PTPRN2: variants seen among roughly 807,000 people sequenced by gnomAD.
PTPRN2 encodes the protein protein tyrosine phosphatase receptor type N2.
A neutral mutation model predicts 118.8 loss-of-function variants in PTPRN2; 74 were observed. The ratio of observed to expected loss-of-function variants is 0.62; its 90% confidence interval spans 0.52 to 0.76. The LOEUF is 0.76. Among genes scored for constraint, PTPRN2 ranks in the 30% least tolerant of loss-of-function variants. PTPRN2 has a pLI of 0.00. For missense variants in PTPRN2, 1,481 were observed against 1,394.4 expected (o/e 1.06, Z -0.99); for synonymous variants, 641 against 608.0 (o/e 1.05, Z -0.80).
chr7:157,625,212 C>T (rs184571657), intron 14 of PTPRN2, among the ~76,000 whole-genome samples: 65 of 152,270 alleles, frequency 4.3e-4, no homozygotes, highest in Non-Finnish European at 7.2e-4. Context: ...CCATATGATC[C>T]GGCAATCCCA....
intron 11 of PTPRN2, among the ~76,000 whole-genome samples, chr7:157,931,291 A>C (rs1799344617): frequency 6.6e-6 from 1 of 152,228 alleles, no homozygotes. Flanking sequence ...CTTGCTAATA[A>C]GAATTAATTG....
chr7:158,069,585 G>A (rs1306295757), intron 11 of PTPRN2, among the ~76,000 whole-genome samples: 1 of 151,338 alleles, frequency 6.6e-6, no homozygotes, highest in African/African-American at 2.4e-5. Flanking sequence ...CAAAGTGCTG[G>A]GATGACAGGC....
chr7:157,864,705 C>T (rs1186648203), intron 12 of PTPRN2: 1 of 152,298 alleles, frequency 6.6e-6, no homozygotes, highest in African/African-American at 2.4e-5. Flanking sequence ...GCCCCATCCT[C>T]TCTGCAGGAG....
rs114461032 is a variant in PTPRN2, at chr7:157,875,314, C to T, written c.1788+23359G>A. On this transcript the variant is annotated intron_variant, in intron 12 of 22. Coordinates refer to ENST00000389418, the MANE Select transcript of PTPRN2 (RefSeq NM_002847.5). ...AAAGCTGGGGAGTTTCCAGGCGTTCCGTGAGAGCCGAGGGAGCGCGTGAGG... is the reference window on the plus strand; with the variant it reads ...AAAGCTGGGGAGTTTCCAGGCGTTCTGTGAGAGCCGAGGGAGCGCGTGAGG... Among the ~76,000 whole-genome samples, 733 of 152,280 alleles carry T rather than the reference C, an allele frequency of 4.8e-3. 4 individuals carry two copies. Among genetic ancestry groups the T allele is most frequent in the African/African-American group, 0.016 (669 of 41,554 alleles).
intron 2 of PTPRN2, among the ~76,000 whole-genome samples, chr7:158,459,327 A>C (rs12698256): frequency 0.59 from 56,443 of 95,756 alleles, 13,687 homozygotes; most frequent in Middle Eastern, 0.61. Context: ...AATCCAGAGC[A>C]CCCGCCTGGG....
rs534321724 is a variant in PTPRN2 at position 158,025,041 on chromosome 7, T to A, written c.1723+56257A>T. Among the ~76,000 whole-genome samples, 122 of 152,294 alleles carry A rather than the reference T, an allele frequency of 8.0e-4. 2 individuals carry two copies. Among genetic ancestry groups the A allele is most frequent in the African/African-American group, 2.9e-3 (120 of 41,562 alleles). On this transcript the variant is annotated intron_variant, in intron 11 of 22. Coordinates refer to ENST00000389418, the MANE Select transcript of PTPRN2 (RefSeq NM_002847.5). ...CTTCTCAGATGGGTAAGCGGGCAGC[T>A]GGGCTTTGCAGTGACAGGTGCCCCG...
At chr7:158,310,342 T>A (rs1388419409) in intron 3 of PTPRN2, among the ~76,000 whole-genome samples, 1 of 152,180 alleles carries the variant, frequency 6.6e-6, no homozygotes, top group Non-Finnish European at 1.5e-5. Flanking sequence ...TCGGCCATCA[T>A]GAATGGAATG....
chr7:158,482,628 G>C (rs1820726460), intron 2 of PTPRN2, among the ~76,000 whole-genome samples: 1 of 152,140 alleles, frequency 6.6e-6, no homozygotes, highest in South Asian at 2.1e-4. Flanking sequence ...ATATGCACTG[G>C]AAAACTAGAA....
intron 11 of PTPRN2, among the ~76,000 whole-genome samples, chr7:158,000,492 C>T (rs917961047): frequency 1.3e-5 from 2 of 151,550 alleles, no homozygotes; most frequent in Non-Finnish European, 2.9e-5. Flanking sequence ...CCTTCTTCCT[C>T]CTCCTCTTTA....
chr7:158,340,890 G>A (rs1333110580), intron 2 of PTPRN2, among the ~76,000 whole-genome samples: 11 of 84,600 alleles, frequency 1.3e-4, no homozygotes, highest in African/African-American at 4.9e-4. Flanking sequence ...CTCACCATAA[G>A]AGCTGACACC....
rs1409069848 is a variant in PTPRN2 at position 157,615,573 on chromosome 7, C to T, written c.2344+5789G>A. The T allele has an allele frequency of 6.4e-6, 3 of 471,116 alleles. No individual in the cohort carries two copies. In the Admixed American group the frequency reaches 7.0e-5, roughly 11 times the overall value. The allele number at this position is 471,116 out of a possible 1,614,324, so 29.2% of individuals were successfully genotyped here. A position where few individuals can be genotyped will look rare whatever the true frequency, so the allele number is the denominator to read the frequency against. ...ACAATCTCAGCCCTGGAACCAGCGC[C>T]TGGGAAGTCCCGCGGTGGATCCGCG... is the stretch of plus-strand genomic sequence containing the variant. On this transcript the variant is annotated intron_variant, in intron 15 of 22. Transcript: ENST00000389418. This position sits in a 1 kb window ranked among gnomAD's most constrained non-coding sequence, Gnocchi z 4.3.
intron 2 of PTPRN2, among the ~76,000 whole-genome samples, chr7:158,406,835 T>C (rs1813484780): frequency 6.6e-6 from 1 of 152,218 alleles, no homozygotes; most frequent in Non-Finnish European, 1.5e-5. Flanking sequence ...TCTGCTGTTA[T>C]AAACAGACCC....
At chr7:158,277,042 G>A (rs976189169) in intron 3 of PTPRN2, among the ~76,000 whole-genome samples, 1 of 152,168 alleles carries the variant, frequency 6.6e-6, no homozygotes, top group African/African-American at 2.4e-5. Context: ...AGATCCCCAC[G>A]GGCAAGAGTG....
chr7:157,590,218 AAAG>A lies in PTPRN2; in HGVS notation c.2496+5017_2496+5019del, dbSNP rs1161017879. On this transcript the variant is annotated intron_variant, in intron 17 of 22. Coordinates refer to ENST00000389418, the MANE Select transcript of PTPRN2 (RefSeq NM_002847.5). This position sits in a 1 kb window ranked among gnomAD's most constrained non-coding sequence, Gnocchi z 4.0. ...TAAAATTGTTCCACACTTTAAAAAA[AAAG>A]TTTATATGACAAAATGACACCCTCA... Among the ~76,000 whole-genome samples the A allele has an allele frequency of 1.3e-5, 2 of 152,224 alleles. No individual in the cohort carries two copies. The highest frequency in any genetic ancestry group is 4.8e-5 in the African/African-American group (2 of 41,450).
intron 1 of PTPRN2, among the ~76,000 whole-genome samples, chr7:158,514,846 A>G (rs891494622): frequency 6.6e-6 from 1 of 152,190 alleles, no homozygotes; most frequent in Non-Finnish European, 1.5e-5. Context: ...GACTTCCAGA[A>G]CTGTCACCAT....
intron 3 of PTPRN2, among the ~76,000 whole-genome samples, chr7:158,277,609 G>A (rs1799106585): frequency 6.6e-6 from 1 of 152,184 alleles, no homozygotes; most frequent in Admixed American, 6.5e-5. Flanking sequence ...GCACTGTCAG[G>A]GCCTTGCCAC....
intron 3 of PTPRN2, among the ~76,000 whole-genome samples, chr7:158,267,563 C>T (rs1394215247): frequency 2.0e-5 from 3 of 152,130 alleles, no homozygotes; most frequent in African/African-American, 7.2e-5. Context: ...GCAGTGGGAA[C>T]CCTTACACGG....
rs77946933 is a variant in PTPRN2 at position 157,911,264 on chromosome 7, G to A, written c.1724-12527C>T. Among the ~76,000 whole-genome samples the A allele has an allele frequency of 0.011, 1,729 of 152,280 alleles. 147 individuals are homozygous for A. In the East Asian group the frequency reaches 0.23, roughly 21 times the overall value. The stretch of plus-strand genomic sequence containing the variant: ...GCATGGTGACTGGGCTTGCAATGCG[G>A]TGATCTCCAGGATGAAAAGATGCCC... On this transcript the variant is annotated intron_variant, in intron 11 of 22. Coordinates refer to ENST00000389418, the MANE Select transcript of PTPRN2 (RefSeq NM_002847.5).
intron 2 of PTPRN2, among the ~76,000 whole-genome samples, chr7:158,444,337 C>G (rs981297744): frequency 6.6e-6 from 1 of 152,280 alleles, no homozygotes; most frequent in Admixed American, 6.5e-5. Flanking sequence ...AGCGCCCAGG[C>G]GCCTCCTCCC....
Sources: gnomAD v4.1 joint callset for allele counts (sites outside exome capture counted in the v4.1 genomes callset) on GRCh38, gnomAD v4.1.1 for gene constraint, Gnocchi (gnomAD v3.1) non-coding constraint, MANE v1.5 for transcripts, NCBI Gene and HGNC (gene_info 2026-07-23, HGNC 2026-07-21) for gene names.